RAB20: variants seen among roughly 807,000 people sequenced by gnomAD.
RAB20 encodes RAB20, member RAS oncogene family, also known as ras-related protein Rab-20.
A neutral mutation model predicts 3.7 loss-of-function variants in RAB20; 2 were observed. The observed-to-expected ratio is 0.54, with a 90% CI of 0.22 to 1.69. The LOEUF (loss-of-function observed/expected upper bound fraction) is 1.69. Ranked by LOEUF, RAB20 falls within the 40% of genes most tolerant of loss-of-function variation. The pLI, the probability that RAB20 is intolerant of heterozygous loss-of-function variation, is 0.19. For missense variants in RAB20, 276 were observed against 311.9 expected (o/e 0.88, Z 0.87); for synonymous variants, 126 against 130.8 (o/e 0.96, Z 0.25).
chr13:110,526,140 G>A (rs892036509), intron 1 of RAB20, among the ~76,000 whole-genome samples: 7 of 152,184 alleles, frequency 4.6e-5, no homozygotes, highest in African/African-American at 1.4e-4. Flanking sequence ...TGGGGCATGT[G>A]TGGCCTCCCG....
chr13:110,538,738 G>A (rs1450866580), intron 1 of RAB20, among the ~76,000 whole-genome samples: 4 of 152,074 alleles, frequency 2.6e-5, no homozygotes, highest in African/African-American at 4.8e-5. Flanking sequence ...CCCTGGGGAC[G>A]GCTGTTTCCT....
intron 1 of RAB20, among the ~76,000 whole-genome samples, chr13:110,552,277 G>T (rs1265065333): frequency 6.6e-6 from 1 of 151,758 alleles, no homozygotes; most frequent in African/African-American, 2.4e-5. Context: ...TACTCGGGAA[G>T]CTGAGGCAGG....
chr13:110,561,004 G>T (rs897815245), intron 1 of RAB20, among the ~76,000 whole-genome samples: 1 of 152,174 alleles, frequency 6.6e-6, no homozygotes, highest in Non-Finnish European at 1.5e-5. Flanking sequence ...ATGTTCCTAC[G>T]GGTACGTGAA....
At position 110,523,866 on chromosome 13, in the gene RAB20, A is replaced by T. The variant is rs139157282; in HGVS notation, c.504T>A (p.Asp168Glu). ...GCTCAGCGGCCGGCACATCCTGCTC[A>T]TCCAGCATCTTGTACTTGAGGATCT... is the stretch of plus-strand genomic sequence containing the variant. ...YKKILKYKML[D>E]EQDVPAAEQM... Residue 168 changes from aspartate to glutamate, a missense_variant, in exon 2 of 2, where the codon GAT becomes GAA. Coordinates refer to ENST00000267328, the MANE Select transcript of RAB20 (RefSeq NM_017817.3). 1 of 1,614,078 alleles carries T rather than the reference A, an allele frequency of 6.2e-7. No homozygotes were observed. Among genetic ancestry groups the T allele is most frequent in the East Asian group, 2.2e-5 (1 of 44,882 alleles).
chr13:110,535,594 T>C (rs1381433259), intron 1 of RAB20, among the ~76,000 whole-genome samples: 1 of 152,240 alleles, frequency 6.6e-6, no homozygotes, highest in Non-Finnish European at 1.5e-5. Context: ...CCTCTCCTCC[T>C]CCTGCCTGCT....
At chr13:110,549,320 G>A (rs1884908204) in intron 1 of RAB20, among the ~76,000 whole-genome samples, 1 of 152,216 alleles carries the variant, frequency 6.6e-6, no homozygotes, top group Non-Finnish European at 1.5e-5. Context: ...GACAAAAGCT[G>A]AATTCTTGAA....
intron 1 of RAB20, among the ~76,000 whole-genome samples, chr13:110,538,608 AAAAAAAAAAAG>A (rs1260486392): frequency 7.2e-6 from 1 of 137,982 alleles, no homozygotes; most frequent in Non-Finnish European, 1.6e-5. Flanking sequence ...AAAAAAAAAA[AAAAAAAAAAAG>A]AAAGAAAAGA....
At chr13:110,530,445 A>G (rs111618312) in intron 1 of RAB20, among the ~76,000 whole-genome samples, 2,802 of 71,696 alleles carry the variant, frequency 0.039, 298 homozygotes, top group East Asian at 0.067. Context: ...GCCCTAGGGA[A>G]GTAGGTCCCA....
chr13:110,536,099 A>G (rs1028270339), intron 1 of RAB20, among the ~76,000 whole-genome samples: 1 of 152,122 alleles, frequency 6.6e-6, no homozygotes, highest in Non-Finnish European at 1.5e-5. Context: ...AGACGATGTG[A>G]AGGCAGACCC....
chr13:110,549,755 C>T (rs1261238225), intron 1 of RAB20, among the ~76,000 whole-genome samples: 2 of 150,542 alleles, frequency 1.3e-5, no homozygotes, highest in African/African-American at 4.9e-5. Context: ...GAGTCTTGCT[C>T]TGTTGCCCGG....
At chr13:110,542,123 T>C (rs1056600908) in intron 1 of RAB20, among the ~76,000 whole-genome samples, 7 of 152,248 alleles carry the variant, frequency 4.6e-5, no homozygotes, top group Non-Finnish European at 1.5e-5. Context: ...GTGCACAACA[T>C]GCAGGATGAC....
At chr13:110,536,204 G>A (rs989935755) in intron 1 of RAB20, among the ~76,000 whole-genome samples, 2 of 152,180 alleles carry the variant, frequency 1.3e-5, no homozygotes, top group African/African-American at 2.4e-5. Flanking sequence ...GGACAGTGGC[G>A]GGAACAGCCT....
At chr13:110,538,267 A>G (rs1222998291) in intron 1 of RAB20, among the ~76,000 whole-genome samples, 1 of 150,578 alleles carries the variant, frequency 6.6e-6, no homozygotes, top group African/African-American at 2.4e-5. Context: ...GAAAGAAAGA[A>G]AGAAAAGAAA....
Position 110,561,557 on chromosome 13 carries a change from C to G in RAB20, c.-38G>C, listed in dbSNP as rs769152010. 4 of 1,518,554 alleles carry G rather than the reference C, an allele frequency of 2.6e-6. No individual in the cohort carries two copies. The African/African-American group carries it at 5.8e-5, about 22-fold the overall frequency. 94.1% of individuals were successfully genotyped at this position (1,518,554 alleles called of 1,614,324 possible). ...ACCCCCAGCGCCCCCGCGCCCTCTC[C>G]CCGAGGCTGGCCGGCTCGTGCGCCC... On this transcript the variant is annotated 5_prime_UTR_variant, in exon 1 of 2. Transcript: ENST00000267328.
intron 1 of RAB20, among the ~76,000 whole-genome samples, chr13:110,543,665 TAA>T (rs916152168): frequency 2.0e-5 from 3 of 152,108 alleles, no homozygotes; most frequent in Non-Finnish European, 4.4e-5. Context: ...TGGAGTCACA[TAA>T]AAAAGAATCA....
chr13:110,547,785 A>G (rs1241084088), intron 1 of RAB20, among the ~76,000 whole-genome samples: 1 of 152,240 alleles, frequency 6.6e-6, no homozygotes, highest in Non-Finnish European at 1.5e-5. Flanking sequence ...CTATAATTTA[A>G]GGCCAAAGCT....
At chr13:110,527,559 T>C (rs972656094) in intron 1 of RAB20, among the ~76,000 whole-genome samples, 2 of 152,180 alleles carry the variant, frequency 1.3e-5, no homozygotes, top group African/African-American at 4.8e-5. Context: ...TGCTGTTGTT[T>C]GGGCGACAGA....
At position 110,523,642 on chromosome 13, in the gene RAB20, T is replaced by A. The variant is rs752728292; in HGVS notation, c.*23A>T. 5.6e-6 allele frequency: 9 copies of A among 1,607,380 alleles called. No homozygotes were observed. The highest frequency in any genetic ancestry group is 6.0e-6 in the Non-Finnish European group (7 of 1,175,222). On this transcript the variant is annotated 3_prime_UTR_variant, in exon 2 of 2. Coordinates refer to ENST00000267328, the MANE Select transcript of RAB20 (RefSeq NM_017817.3). ...AGACCCCTTCCCAACATGCACAGTC[T>A]GAGTCCAGGAGGCCCTCGAAAGTCA...
chr13:110,530,745 G>A (rs546145073), intron 1 of RAB20, among the ~76,000 whole-genome samples: 5 of 136,620 alleles, frequency 3.7e-5, no homozygotes, highest in Admixed American at 7.4e-5. Context: ...GGTCCCACCC[G>A]CTCCACCTCT....
Sources: gnomAD v4.1 joint callset for allele counts (sites outside exome capture counted in the v4.1 genomes callset) on GRCh38, gnomAD v4.1.1 for gene constraint, MANE v1.5 for transcripts, NCBI Gene and HGNC (gene_info 2026-07-23, HGNC 2026-07-21) for gene names.